ZNF587: variants seen among roughly 807,000 people sequenced by gnomAD.
ZNF587 encodes the protein zinc finger protein 587.
ZNF587 carries 8 observed loss-of-function variants against 7.5 expected under a neutral mutation model. That is an observed-to-expected ratio of 1.06 (90% CI 0.62 to 1.92). The LOEUF is 1.92. ZNF587 is among the 40% of genes most tolerant of loss of function. ZNF587 has a pLI of 0.00. For synonymous variants in ZNF587, 145 were observed against 237.8 expected (o/e 0.61, Z 3.59); for missense variants, 468 against 692.8 (o/e 0.68, Z 3.64).
Position 57,860,858 on chromosome 19 carries a change from A to G in ZNF587, c.*718A>G, listed in dbSNP as rs1449021712. 1 of 152,122 alleles carries G rather than the reference A, an allele frequency of 6.6e-6. No homozygotes were observed. The highest frequency in any genetic ancestry group is 2.4e-5 in the African/African-American group (1 of 41,412). 9.4% of individuals were successfully genotyped at this position (152,122 alleles called of 1,614,324 possible). ...CAGTGCCTGAGTCACGTGATAGATT[A>G]AAGTACAACTCTTTTTTGAGACAGA... On this transcript the variant is annotated 3_prime_UTR_variant, in exon 3 of 3. Coordinates refer to ENST00000339656, the MANE Select transcript of ZNF587 (RefSeq NM_032828.4).
In ZNF587 at chr19:57,863,619, ATC is replaced by A. The variant is rs1454726382; in HGVS notation, c.*3483_*3484del. Reference sequence around the variant, plus strand: ...TTGGGGAGCTTAATTTGCTAATGGAATCTCTGTTATTTTCCTAACATGCTTGG... The same window carrying A: ...TTGGGGAGCTTAATTTGCTAATGGAATCTGTTATTTTCCTAACATGCTTGG... On this transcript the variant is annotated 3_prime_UTR_variant, in exon 3 of 3. Coordinates refer to ENST00000339656, the MANE Select transcript of ZNF587 (RefSeq NM_032828.4). 1 of 152,186 alleles carries A rather than the reference ATC, an allele frequency of 6.6e-6. No homozygotes were observed. The highest frequency in any genetic ancestry group is 1.5e-5 in the Non-Finnish European group (1 of 68,044). The allele number at this position is 152,186 out of a possible 1,614,324, so 9.4% of individuals were successfully genotyped here. A position where few individuals can be genotyped will look rare whatever the true frequency, so the allele number is the denominator to read the frequency against.
At chr19:57,855,253 A>G (rs946008100) in intron 1 of ZNF587, among the ~76,000 whole-genome samples, 2 of 151,768 alleles carry the variant, frequency 1.3e-5, no homozygotes, top group Middle Eastern at 3.2e-3. Flanking sequence ...GCTGAGGCAC[A>G]AGAATCACTT....
In ZNF587 at chr19:57,861,859, A is replaced by C. The variant is rs1309498977; in HGVS notation, c.*1719A>C. ...ATGATCTCGGCCCACTGCAACCTCC[A>C]CCTCCTGTGTTCAAGCGATTCTGCC... On this transcript the variant is annotated 3_prime_UTR_variant, in exon 3 of 3. Coordinates refer to ENST00000339656, the MANE Select transcript of ZNF587 (RefSeq NM_032828.4). 2 of 136,708 alleles carry C rather than the reference A, an allele frequency of 1.5e-5. No homozygotes were observed. The highest frequency in any genetic ancestry group is 5.6e-5 in the African/African-American group (2 of 35,704). The allele number at this position is 136,708 out of a possible 1,614,324, so 8.5% of individuals were successfully genotyped here. A position where few individuals can be genotyped will look rare whatever the true frequency, so the allele number is the denominator to read the frequency against.
Position 57,859,567 on chromosome 19 carries a change from T to C in ZNF587, c.1155T>C (p.Cys385=). The C allele has an allele frequency of 1.2e-6, 2 of 1,613,940 alleles. No homozygotes were observed. Among genetic ancestry groups the C allele is most frequent in the Non-Finnish European group, 8.5e-7 (1 of 1,179,988 alleles). The change falls in exon 3 of 3, where the codon TGT becomes TGC. Residue 385 remains cysteine, a synonymous_variant. Coordinates refer to ENST00000339656, the MANE Select transcript of ZNF587 (RefSeq NM_032828.4). ...AAAGGCCTTACAAGTGTGGAGAATG[T>C]GGGAAATCTTTTGGTCAAAAGGGCA... ...TGERPYKCGE[C]GKSFGQKGNL...
rs2071429943 is a variant in ZNF587 at position 57,861,362 on chromosome 19, GCT to G, written c.*1225_*1226del. 1 of 151,994 alleles carries G rather than the reference GCT, an allele frequency of 6.6e-6. No homozygotes were observed. The highest frequency in any genetic ancestry group is 2.1e-4 in the South Asian group (1 of 4,822). 9.4% of individuals were successfully genotyped at this position (151,994 alleles called of 1,614,324 possible). A position where few individuals can be genotyped will look rare whatever the true frequency, so the allele number is the denominator to read the frequency against. The stretch of plus-strand genomic sequence containing the variant: ...TTTTTTTGTTTTGAGACAAAGTCTC[GCT>G]CTGTCTCCCAGGCTAGAGTACCGTG... On this transcript the variant is annotated 3_prime_UTR_variant, in exon 3 of 3. Transcript: ENST00000339656.
In ZNF587 at chr19:57,859,985, T is replaced by C; in HGVS notation, c.1573T>C (p.Cys525Arg). ...ACAAAAGCCTTATAAGTGCAGTGAATGTGGAAAATCCTTTTCTGAATGTTC... is the reference window on the plus strand; with the variant it reads ...ACAAAAGCCTTATAAGTGCAGTGAACGTGGAAAATCCTTTTCTGAATGTTC... ...SGQKPYKCSECGKSFSECSSL... is the reference protein window; with the variant it reads ...SGQKPYKCSERGKSFSECSSL... Residue 525 changes from cysteine (C) to arginine (R), a missense_variant, in exon 3 of 3, where the codon TGT (cysteine) becomes CGT (arginine). Transcript: ENST00000339656. The C allele has an allele frequency of 6.2e-7, 1 of 1,614,138 alleles. No homozygotes were observed. Among genetic ancestry groups the C allele is most frequent in the Non-Finnish European group, 8.5e-7 (1 of 1,180,014 alleles).
At chr19:57,851,184 AG>A (rs1274787542) in intron 1 of ZNF587, 3 of 152,180 alleles carry the variant, frequency 2.0e-5, no homozygotes, top group African/African-American at 7.2e-5. Context: ...TACAATAGTA[AG>A]GTTATCTTCA....
rs887189269 is a variant in ZNF587, at chr19:57,861,061, C to T, written c.*921C>T. On this transcript the variant is annotated 3_prime_UTR_variant, in exon 3 of 3. Coordinates refer to ENST00000339656, the MANE Select transcript of ZNF587 (RefSeq NM_032828.4). ...ATTTCTATTAGCAATGGGGTTTCAC[C>T]ATGCTGGCCAGGCTTGTTATGAACT... The T allele has an allele frequency of 2.0e-5, 3 of 151,998 alleles. No homozygotes were observed. Among genetic ancestry groups the T allele is most frequent in the Admixed American group, 6.6e-5 (1 of 15,218 alleles). The allele number at this position is 151,998 out of a possible 1,614,324, so 9.4% of individuals were successfully genotyped here.
intron 2 of ZNF587, among the ~76,000 whole-genome samples, chr19:57,857,891 C>T (rs1169731762): frequency 6.6e-6 from 1 of 151,898 alleles, no homozygotes; most frequent in African/African-American, 2.4e-5. Context: ...CCGCCTCGGC[C>T]TTGCAAAGTG....
rs1163733937 is a variant in ZNF587, at chr19:57,859,422, G to A, written c.1010G>A (p.Gly337Asp). 1.2e-6 allele frequency: 2 copies of A among 1,610,614 alleles called. No individual in the cohort carries two copies. Among genetic ancestry groups the A allele is most frequent in the East Asian group, 4.5e-5 (2 of 44,830 alleles). ...RECGKSFGQK[G>D]NLIQHQQGHT... Reference sequence around the variant, plus strand: ...TGTGGGAAATCTTTTGGTCAAAAGGGTAACCTCATTCAACATCAGCAAGGT... The same window carrying A: ...TGTGGGAAATCTTTTGGTCAAAAGGATAACCTCATTCAACATCAGCAAGGT... Residue 337 changes from glycine to aspartate, a missense_variant, in exon 3 of 3, where the codon GGT becomes GAT. This residue lies in a region of ZNF587 where 310 missense variants were observed against 325.6 expected (regional missense o/e 0.95). Coordinates refer to ENST00000339656, the MANE Select transcript of ZNF587 (RefSeq NM_032828.4).
chr19:57,857,012 C>G (rs1191797721), intron 2 of ZNF587: 1 of 151,928 alleles, frequency 6.6e-6, no homozygotes, highest in Non-Finnish European at 1.5e-5. Context: ...TTTTGTAATA[C>G]TTACCTTACT....
rs879257136 is a variant in ZNF587 at position 57,859,818 on chromosome 19, G to A, written c.1406G>A (p.Cys469Tyr). 8.7e-6 allele frequency: 14 copies of A among 1,614,200 alleles called. No homozygotes were observed. Among genetic ancestry groups the A allele is most frequent in the Admixed American group, 1.7e-5 (1 of 60,020 alleles). ...GAAAGGCCATATGCGTGTGAGGTAT[G>A]TGGGAAATTATTTGGCAATAAGCAC... ...TGERPYACEV[C>Y]GKLFGNKHSV... Residue 469 changes from cysteine (C) to tyrosine (Y), a missense_variant, in exon 3 of 3, where the codon TGT becomes TAT. Physicochemically the swap from Cys to Tyr is radical, Grantham distance 194. Around this residue, in one of 5 missense-constraint regions of ZNF587, gnomAD observed 310 missense variants for 325.6 expected, o/e 0.95. Coordinates refer to ENST00000339656, the MANE Select transcript of ZNF587 (RefSeq NM_032828.4).
chr19:57,859,910 T>C lies in ZNF587; in HGVS notation c.1498T>C (p.Ser500Pro). 2 of 1,613,644 alleles carry C rather than the reference T, an allele frequency of 1.2e-6. No individual in the cohort carries two copies. Among genetic ancestry groups the C allele is most frequent in the Non-Finnish European group, 1.7e-6 (2 of 1,179,910 alleles). ...RPYECSECGK[S>P]FLSSSALHVH... Reference sequence around the variant, plus strand: ...GTATGAATGCAGTGAATGTGGGAAATCATTTCTTTCCAGCTCTGCGCTTCA... The same window carrying C: ...GTATGAATGCAGTGAATGTGGGAAACCATTTCTTTCCAGCTCTGCGCTTCA... The change falls in exon 3 of 3, where the codon TCA becomes CCA. Residue 500 changes from serine (S) to proline (P), a missense_variant. Ser to Pro is a moderately conservative substitution (Grantham distance 74). Around this residue, in one of 5 missense-constraint regions of ZNF587, gnomAD observed 310 missense variants for 325.6 expected, o/e 0.95. Coordinates refer to ENST00000339656, the MANE Select transcript of ZNF587 (RefSeq NM_032828.4).
chr19:57,858,122 C>CTTTTTTTTTT (rs572536483), intron 2 of ZNF587: 6 of 123,520 alleles, frequency 4.9e-5, no homozygotes, highest in African/African-American at 2.0e-4. Context: ...GAAGCCCCAT[C>CTTTTTTTTTT]TTTTTTTTTT....
rs145246405 is a variant in ZNF587, at chr19:57,864,882, G to T, written c.*4742G>T. 22 of 152,140 alleles carry T rather than the reference G, an allele frequency of 1.4e-4. No individual in the cohort carries two copies. Among genetic ancestry groups the T allele is most frequent in the African/African-American group, 5.3e-4 (22 of 41,506 alleles). 9.4% of individuals were successfully genotyped at this position (152,140 alleles called of 1,614,324 possible). The stretch of plus-strand genomic sequence containing the variant: ...ATGGAGGTTGCAATCAGCCGAGATG[G>T]TGCCATCGCACTCTAGCCTGGGGAA... On this transcript the variant is annotated 3_prime_UTR_variant, in exon 3 of 3. Transcript: ENST00000339656.
At chr19:57,850,363 C>T in intron 1 of ZNF587, 1 of 596,520 alleles carries the variant, frequency 1.7e-6, no homozygotes, top group Non-Finnish European at 2.9e-6. Context: ...TCTCCCTGAG[C>T]ATTCTGGGAT....
intron 1 of ZNF587, 142 bp downstream of exon 1, chr19:57,850,213 G>A: frequency 1.3e-6 from 2 of 1,498,738 alleles, no homozygotes; most frequent in South Asian, 2.3e-5. Context: ...GCCTCTCCTT[G>A]TAACCGTCCA....
intron 1 of ZNF587, chr19:57,850,509 T>C (rs903879680): frequency 2.1e-5 from 10 of 471,062 alleles, no homozygotes; most frequent in Non-Finnish European, 1.1e-5. Context: ...GCAGAACTGA[T>C]TGACCCAGAT....
chr19:57,853,470 A>G (rs748787947), intron 1 of ZNF587, among the ~76,000 whole-genome samples: 2 of 152,188 alleles, frequency 1.3e-5, no homozygotes, highest in African/African-American at 2.4e-5. Flanking sequence ...TTAGGAGGAC[A>G]TGCTTCAGAT....
Sources: gnomAD v4.1 joint callset for allele counts (sites outside exome capture counted in the v4.1 genomes callset) on GRCh38, gnomAD v4.1.1 for gene constraint, gnomAD v4.1.1 regional missense constraint, MANE v1.5 for transcripts, NCBI Gene and HGNC (gene_info 2026-07-23, HGNC 2026-07-21) for gene names.